The following NUTF2 variants were observed in gnomAD, a reference collection of about 807,000 sequenced individuals.
NUTF2 encodes the protein nuclear transport factor 2, also known as placental protein 15.
NUTF2 carries 3 observed loss-of-function variants against 18.5 expected under a neutral mutation model. The ratio of observed to expected loss-of-function variants is 0.16; its 90% CI spans 0.07 to 0.42. NUTF2 has a LOEUF of 0.42. Among genes scored for constraint, NUTF2 ranks in the 10% least tolerant of loss-of-function variants. The pLI, the probability that NUTF2 is intolerant of heterozygous loss-of-function variation, is 0.99. For missense variants in NUTF2, 44 were observed against 160.7 expected (o/e 0.27, Z 3.93); for synonymous variants, 51 against 57.9 (o/e 0.88, Z 0.54).
rs191025655 is a variant in NUTF2 at position 67,854,845 on chromosome 16, G to A, written c.-30+7860G>A. On this transcript the variant is annotated intron_variant, in intron 1 of 4. Coordinates refer to ENST00000219169, the MANE Select transcript of NUTF2 (RefSeq NM_005796.3). ...TACCTGTAATCCCAGCTACACGGGA[G>A]GCAAGAGAATTGCTTGAACCTGGGA... is the stretch of plus-strand genomic sequence containing the variant. Among the ~76,000 whole-genome samples the A allele has an allele frequency of 2.6e-5, 4 of 152,260 alleles. No homozygotes were observed. The East Asian group carries it at 5.8e-4, about 22-fold the overall frequency.
intron 2 of NUTF2, among the ~76,000 whole-genome samples, chr16:67,867,365 A>G (rs2057980288): frequency 6.6e-6 from 1 of 152,210 alleles, no homozygotes; most frequent in African/African-American, 2.4e-5. Context: ...TACTCAGCAC[A>G]TTACCCCTTT....
At position 67,868,854 on chromosome 16, in the gene NUTF2, C is replaced by T. The variant is rs1231257067; in HGVS notation, c.270+255C>T. The T allele has an allele frequency of 5.9e-5, 21 of 358,408 alleles. No homozygotes were observed. In the East Asian group the frequency reaches 1.2e-3, roughly 20 times the overall value. 22.2% of individuals were successfully genotyped at this position (358,408 alleles called of 1,614,324 possible). ...GAACATTTTTGTGACTGTAGAAAGT[C>T]CTATTGGCAGACACTGGTCTAGAGC... On this transcript the variant is annotated intron_variant, in intron 4 of 4. Transcript: ENST00000219169.
chr16:67,863,751 G>A (rs1160869099), intron 1 of NUTF2, among the ~76,000 whole-genome samples: 1 of 152,202 alleles, frequency 6.6e-6, no homozygotes, highest in East Asian at 1.9e-4. Context: ...GAGGGAGTGG[G>A]CTCCTCTACA....
intron 1 of NUTF2, among the ~76,000 whole-genome samples, chr16:67,859,969 T>A (rs939100053): frequency 2.0e-5 from 3 of 150,512 alleles, no homozygotes; most frequent in Non-Finnish European, 4.4e-5. Context: ...TGGCCAGATA[T>A]TTTATTATTT....
intron 2 of NUTF2, among the ~76,000 whole-genome samples, chr16:67,867,628 A>G (rs1275564091): frequency 1.3e-5 from 2 of 152,178 alleles, no homozygotes; most frequent in African/African-American, 4.8e-5. Flanking sequence ...TAGAAAGTCC[A>G]CAGTGGAACT....
At chr16:67,864,274 G>T (rs1456379613) in intron 1 of NUTF2, among the ~76,000 whole-genome samples, 2 of 152,192 alleles carry the variant, frequency 1.3e-5, no homozygotes, top group Admixed American at 6.5e-5. Flanking sequence ...ACTTTGGGAG[G>T]CCAAGGCGGG....
chr16:67,849,752 G>T (rs1598156643), intron 1 of NUTF2, among the ~76,000 whole-genome samples: 1 of 151,778 alleles, frequency 6.6e-6, no homozygotes, highest in African/African-American at 2.4e-5. Flanking sequence ...TCCGCCTCCC[G>T]GGTTCACAGC....
intron 1 of NUTF2, among the ~76,000 whole-genome samples, chr16:67,852,650 G>T (rs2057868567): frequency 6.6e-6 from 1 of 151,212 alleles, no homozygotes; most frequent in Non-Finnish European, 1.5e-5. Context: ...GAGCCACCAT[G>T]CCTGGCCTTT....
chr16:67,863,201 G>T (rs778705244), intron 1 of NUTF2, among the ~76,000 whole-genome samples: 1 of 152,330 alleles, frequency 6.6e-6, no homozygotes, highest in South Asian at 2.1e-4. Context: ...TTCCCCACTT[G>T]TTGATTTCTT....
chr16:67,856,649 C>T (rs1423917482), intron 1 of NUTF2, among the ~76,000 whole-genome samples: 2 of 152,082 alleles, frequency 1.3e-5, no homozygotes, highest in Admixed American at 6.6e-5. Context: ...GCTGGGATTA[C>T]AGGCGCCTGC....
intron 4 of NUTF2, 102 bp from the exon 5 acceptor site, chr16:67,870,698 G>T: frequency 1.2e-6 from 1 of 867,884 alleles, no homozygotes; most frequent in Non-Finnish European, 2.0e-6. Flanking sequence ...GGACAGTAGG[G>T]CCTGATCCTA....
At chr16:67,870,756 T>C in intron 4 of NUTF2, 44 bp from the exon 5 acceptor site, 1 of 1,492,162 alleles carries the variant, frequency 6.7e-7, no homozygotes, top group Non-Finnish European at 9.3e-7. Flanking sequence ...ATTCCCTTCC[T>C]GTTTCTTGAT....
In NUTF2 at chr16:67,865,199, T is replaced by C; in HGVS notation, c.69T>C (p.Asp23=). Residue 23 remains aspartate, a synonymous_variant, in exon 2 of 5, where the codon GAT becomes GAC. Coordinates refer to ENST00000219169, the MANE Select transcript of NUTF2 (RefSeq NM_005796.3). ...TTCAACATTACTACCAGTTATTTGA[T>C]AATGATAGAACCCAACTAGGCGCAA... is the stretch of plus-strand genomic sequence containing the variant. ...SFIQHYYQLF[D]NDRTQLGAIY... 6.2e-7 allele frequency: 1 copy of C among 1,613,394 alleles called. No homozygotes were observed. The highest frequency in any genetic ancestry group is 8.5e-7 in the Non-Finnish European group (1 of 1,179,558).
intron 1 of NUTF2, among the ~76,000 whole-genome samples, chr16:67,854,488 A>G (rs1367150097): frequency 1.1e-4 from 17 of 152,246 alleles, no homozygotes; most frequent in Admixed American, 1.0e-3. Context: ...GGGGGCTTAC[A>G]GAGGGAAACA....
chr16:67,867,097 A>G (rs1462418865), intron 2 of NUTF2, among the ~76,000 whole-genome samples: 1 of 151,446 alleles, frequency 6.6e-6, no homozygotes, highest in African/African-American at 2.4e-5. Flanking sequence ...TCAGCCTCCC[A>G]AGTAGCTGGG....
At chr16:67,852,596 G>C (rs866040276) in intron 1 of NUTF2, among the ~76,000 whole-genome samples, 4 of 152,018 alleles carry the variant, frequency 2.6e-5, no homozygotes, top group Middle Eastern at 6.8e-3. Flanking sequence ...GACCTCAGGC[G>C]ATCCGCCCAC....
At chr16:67,848,037 G>A (rs980033379) in intron 1 of NUTF2, among the ~76,000 whole-genome samples, 3 of 152,158 alleles carry the variant, frequency 2.0e-5, no homozygotes, top group Admixed American at 2.0e-4. Context: ...CCAACAACTG[G>A]AGCTGCCTGT....
intron 4 of NUTF2, chr16:67,870,555 T>C (rs774357367): frequency 1.4e-5 from 7 of 498,958 alleles, no homozygotes; most frequent in Non-Finnish European, 2.5e-5. Context: ...GGTGAATTAT[T>C]GTGCAGTTTA....
At chr16:67,869,202 G>C (rs1278402858) in intron 4 of NUTF2, among the ~76,000 whole-genome samples, 1 of 151,294 alleles carries the variant, frequency 6.6e-6, no homozygotes, top group African/African-American at 2.4e-5. Context: ...TCCAGCCTCA[G>C]CTTCCCAAGT....
Sources: allele counts gnomAD v4.1 joint callset (sites outside exome capture counted in the v4.1 genomes callset), GRCh38; gene constraint gnomAD v4.1.1; transcripts MANE v1.5; gene names NCBI Gene and HGNC (gene_info 2026-07-23, HGNC 2026-07-21).